The following GPC5 variants were observed in gnomAD, a reference collection of about 807,000 sequenced individuals.
The protein encoded by GPC5 is glypican-5.
A neutral mutation model predicts 53.9 loss-of-function variants in GPC5; 47 were observed. The ratio of observed to expected loss-of-function variants is 0.87; its 90% CI spans 0.69 to 1.11. The LOEUF (loss-of-function observed/expected upper bound fraction) is 1.11. Ranked by LOEUF, GPC5 falls within the 50% of genes most tolerant of loss-of-function variation. The pLI is 0.00. For synonymous variants in GPC5, 286 were observed against 263.3 expected, an observed-to-expected ratio of 1.09 and a Z score of -0.84; for missense variants, 748 against 713.1, an observed-to-expected ratio of 1.05 and a Z score of -0.56.
At chr13:91,838,835 A>G (rs1044201289) in intron 5 of GPC5, among the ~76,000 whole-genome samples, 1 of 152,194 alleles carries the variant, frequency 6.6e-6, no homozygotes, top group Non-Finnish European at 1.5e-5. Flanking sequence ...TACAGAGTAG[A>G]GTTTAAGCTA....
intron 5 of GPC5, among the ~76,000 whole-genome samples, chr13:91,836,782 A>G (rs1189630171): frequency 6.6e-6 from 1 of 151,736 alleles, no homozygotes; most frequent in Non-Finnish European, 1.5e-5. Flanking sequence ...GTCTGACTCA[A>G]AATATTTTAT....
chr13:91,929,166 TTAAA>T (rs1304483511), intron 6 of GPC5, among the ~76,000 whole-genome samples: 2 of 152,126 alleles, frequency 1.3e-5, no homozygotes, highest in Non-Finnish European at 2.9e-5. Flanking sequence ...AATATTATTC[TTAAA>T]TAACTACAGG....
intron 7 of GPC5, among the ~76,000 whole-genome samples, chr13:92,297,449 A>G (rs4365171): frequency 6.2e-5 from 6 of 96,566 alleles, no homozygotes; most frequent in African/African-American, 1.3e-4. Flanking sequence ...GTCTAGCTCA[A>G]GGATTGTAAA....
At chr13:91,435,042 G>C (rs146239354) in intron 1 of GPC5, among the ~76,000 whole-genome samples, 5,460 of 152,210 alleles carry the variant, frequency 0.036, 143 homozygotes, top group Middle Eastern at 0.068. Context: ...GATTTTGTAT[G>C]CTGAGACTTT....
chr13:91,437,812 T>A (rs1277300350), intron 1 of GPC5, among the ~76,000 whole-genome samples: 1 of 152,234 alleles, frequency 6.6e-6, no homozygotes, highest in Non-Finnish European at 1.5e-5. Context: ...GACATAGATT[T>A]GGTCTTTTCA....
chr13:92,156,306 C>A (rs1209383706), intron 7 of GPC5, among the ~76,000 whole-genome samples: 1 of 152,118 alleles, frequency 6.6e-6, no homozygotes, highest in Non-Finnish European at 1.5e-5. Context: ...GTTTCAGAGA[C>A]TTTATTTCCT....
chr13:91,803,882 T>C (rs1382458981), intron 5 of GPC5, among the ~76,000 whole-genome samples: 1 of 148,908 alleles, frequency 6.7e-6, no homozygotes, highest in Non-Finnish European at 1.5e-5. Context: ...CATAAAGAAA[T>C]GCAGAGATAG....
chr13:91,816,121 A>G (rs1261150659), intron 5 of GPC5, among the ~76,000 whole-genome samples: 1 of 152,180 alleles, frequency 6.6e-6, no homozygotes, highest in African/African-American at 2.4e-5. Flanking sequence ...GAGAGGCTTC[A>G]TTTAATAAAT....
intron 6 of GPC5, among the ~76,000 whole-genome samples, chr13:92,126,916 C>A (rs2041702684): frequency 6.6e-6 from 1 of 152,066 alleles, no homozygotes; most frequent in South Asian, 2.1e-4. Context: ...GGCAGTCGTG[C>A]TTAGATGGCT....
rs578180079 is a variant in GPC5 at position 92,373,257 on chromosome 13, A to G, written c.1561+228268A>G. Among the ~76,000 whole-genome samples the G allele has an allele frequency of 3.3e-5, 5 of 152,322 alleles. No individual in the cohort carries two copies. In the East Asian group the frequency reaches 9.7e-4, roughly 29 times the overall value. Reference sequence around the variant, plus strand: ...TAAAGCACATATAAAACTAGTGTGAAAGAATGATTTAAGGAAAAAATAGAA... The same window carrying G: ...TAAAGCACATATAAAACTAGTGTGAGAGAATGATTTAAGGAAAAAATAGAA... On this transcript the variant is annotated intron_variant, in intron 7 of 7. Coordinates refer to ENST00000377067, the MANE Select transcript of GPC5 (RefSeq NM_004466.6).
chr13:91,853,206 GA>G (rs2038932905), intron 5 of GPC5, among the ~76,000 whole-genome samples: 1 of 152,040 alleles, frequency 6.6e-6, no homozygotes, highest in South Asian at 2.1e-4. Context: ...ATTTATTCAA[GA>G]AACTTTGATA....
intron 7 of GPC5, among the ~76,000 whole-genome samples, chr13:92,445,629 T>C (rs976368755): frequency 6.6e-6 from 1 of 151,474 alleles, no homozygotes; most frequent in Non-Finnish European, 1.5e-5. Flanking sequence ...TCCATGTCCC[T>C]AAAAAGGACA....
At chr13:91,472,999 A>G (rs1307427517) in intron 2 of GPC5, among the ~76,000 whole-genome samples, 2 of 152,180 alleles carry the variant, frequency 1.3e-5, no homozygotes, top group Non-Finnish European at 2.9e-5. Context: ...AAGAGGTTTA[A>G]TTGACTCACA....
chr13:91,985,288 G>C (rs1047041831), intron 6 of GPC5, among the ~76,000 whole-genome samples: 4 of 150,630 alleles, frequency 2.7e-5, no homozygotes, highest in Middle Eastern at 3.2e-3. Flanking sequence ...CTTAATGTTT[G>C]CTTGGTATAT....
chr13:92,681,207 A>T (rs1887100746), intron 7 of GPC5, among the ~76,000 whole-genome samples: 1 of 152,134 alleles, frequency 6.6e-6, no homozygotes, highest in Non-Finnish European at 1.5e-5. Flanking sequence ...AATAAAAAAA[A>T]TTCCAAAATT....
At chr13:91,643,216 T>C (rs2034476479) in intron 2 of GPC5, among the ~76,000 whole-genome samples, 1 of 152,054 alleles carries the variant, frequency 6.6e-6, no homozygotes, top group Non-Finnish European at 1.5e-5. Flanking sequence ...AGATAAAGCC[T>C]CATTTGGTGA....
chr13:91,498,684 G>T (rs1159434812), intron 2 of GPC5, among the ~76,000 whole-genome samples: 1 of 152,070 alleles, frequency 6.6e-6, no homozygotes, highest in African/African-American at 2.4e-5. Context: ...GGTGGTCAGG[G>T]TAGCTGTAGG....
At chr13:91,732,175 C>G (rs897708170) in intron 4 of GPC5, among the ~76,000 whole-genome samples, 2 of 152,208 alleles carry the variant, frequency 1.3e-5, no homozygotes, top group Admixed American at 6.5e-5. Flanking sequence ...TCCTATTTCT[C>G]CACAGCCTCT....
intron 7 of GPC5, among the ~76,000 whole-genome samples, chr13:92,856,861 A>T (rs1420876859): frequency 1.3e-5 from 2 of 152,138 alleles, no homozygotes; most frequent in East Asian, 1.9e-4. Context: ...TTCCACACTC[A>T]TGGATTAGAA....
Sources: allele counts gnomAD v4.1 joint callset (sites outside exome capture counted in the v4.1 genomes callset), GRCh38; gene constraint gnomAD v4.1.1; transcripts MANE v1.5; gene names NCBI Gene and HGNC (gene_info 2026-07-23, HGNC 2026-07-21).